The following ALG6 variants were observed in gnomAD, a reference collection of about 807,000 sequenced individuals.
The protein encoded by ALG6 is ALG6 alpha-1,3-glucosyltransferase, also known as dolichyl pyrophosphate Man9GlcNAc2 alpha-1,3-glucosyltransferase.
Under a neutral mutation model 66.6 loss-of-function variants are expected in ALG6, and 46 were observed. The observed-to-expected ratio is 0.69, with a 90% CI of 0.55 to 0.88. The LOEUF is 0.88. Among genes scored for constraint, ALG6 ranks in the 40% least tolerant of loss-of-function variants. The probability of loss-of-function intolerance (pLI) is 0.00; values close to 1 mark genes in which losing one functional copy is unlikely to be tolerated. For synonymous variants in ALG6, 185 were observed against 203.7 expected, an observed-to-expected ratio of 0.91 and a Z score of 0.78; for missense variants, 505 against 586.8, an observed-to-expected ratio of 0.86 and a Z score of 1.44.
Position 63,375,410 on chromosome 1 carries a change from ATTTTTTTTTTTT to A in ALG6, c.82+4367_82+4378del, listed in dbSNP as rs766565038. Among the ~76,000 whole-genome samples, 728 of 77,082 alleles carry A rather than the reference ATTTTTTTTTTTT, an allele frequency of 9.4e-3. 6 individuals are homozygous for A. Among genetic ancestry groups the A allele is most frequent in the African/African-American group, 0.033 (657 of 19,888 alleles). The allele number at this position is 77,082 out of a possible 152,430, so 50.6% of individuals were successfully genotyped here. ...ACAGGCATGTGCCACCACCCCCGGC[ATTTTTTTTTTTT>A]TTTTTTTTTTTTTTTCCAGTAGAGA... On this transcript the variant is annotated intron_variant, in intron 2 of 14. Coordinates refer to ENST00000263440, the MANE Select transcript of ALG6 (RefSeq NM_013339.4).
At chr1:63,400,360 T>C (rs71643676) in intron 3 of ALG6, among the ~76,000 whole-genome samples, 1,595 of 115,536 alleles carry the variant, frequency 0.014, 113 homozygotes, top group Non-Finnish European at 0.02. Flanking sequence ...TATATATATA[T>C]GTATATATAT....
At chr1:63,400,222 C>CATATATATAT (rs1557587305) in intron 3 of ALG6, among the ~76,000 whole-genome samples, 1 of 12,260 alleles carries the variant, frequency 8.2e-5, no homozygotes, top group South Asian at 3.5e-3. Flanking sequence ...TATATATATA[C>CATATATATAT]GTATATATAT....
intron 4 of ALG6, 45 bp downstream of exon 4, chr1:63,402,388 G>A: frequency 7.7e-7 from 1 of 1,306,212 alleles, no homozygotes; most frequent in Non-Finnish European, 1.1e-6. Flanking sequence ...TTATGCCCTT[G>A]GCAGATTTAG....
At chr1:63,400,286 T>A (rs1449390043) in intron 3 of ALG6, among the ~76,000 whole-genome samples, 2 of 20,626 alleles carry the variant, frequency 9.7e-5, no homozygotes, top group Admixed American at 7.4e-4. Flanking sequence ...TATATACGTA[T>A]ATATATATAC....
rs1345130104 is a variant in ALG6, at chr1:63,437,929, TTATAG to T, written c.*913_*917del. The T allele has an allele frequency of 1.3e-5, 2 of 152,246 alleles. No homozygotes were observed. The highest frequency in any genetic ancestry group is 6.5e-5 in the Admixed American group (1 of 15,276). The allele number at this position is 152,246 out of a possible 1,614,324, so 9.4% of individuals were successfully genotyped here. A position where few individuals can be genotyped will look rare whatever the true frequency, so the allele number is the denominator to read the frequency against. On this transcript the variant is annotated 3_prime_UTR_variant, in exon 15 of 15. Coordinates refer to ENST00000263440, the MANE Select transcript of ALG6 (RefSeq NM_013339.4). ...CTGTATTAGCAGAAGCCAATATTTA[TTATAG>T]TATTCAACTGGTAAAAATAATACAT...
intron 2 of ALG6, among the ~76,000 whole-genome samples, chr1:63,391,787 C>G (rs1178245058): frequency 6.6e-6 from 1 of 152,094 alleles, no homozygotes; most frequent in Admixed American, 6.6e-5. Context: ...ATCCCTTACG[C>G]TTTTAGAGAT....
chr1:63,394,532 G>A (rs1189194879), intron 2 of ALG6, among the ~76,000 whole-genome samples: 1 of 152,054 alleles, frequency 6.6e-6, no homozygotes, highest in Non-Finnish European at 1.5e-5. Context: ...CACCACCCTG[G>A]CTAATTTTTT....
intron 3 of ALG6, among the ~76,000 whole-genome samples, chr1:63,400,223 GTATA>G (rs1192053870): frequency 1.6e-4 from 1 of 6,138 alleles, no homozygotes; most frequent in Non-Finnish European, 2.2e-4. Context: ...ATATATATAC[GTATA>G]TATATATATA....
intron 11 of ALG6, among the ~76,000 whole-genome samples, chr1:63,417,902 G>A (rs1339609666): frequency 6.6e-6 from 1 of 152,224 alleles, no homozygotes; most frequent in Non-Finnish European, 1.5e-5. Context: ...TTGGGAGGCC[G>A]AGGCAGGTGG....
intron 6 of ALG6, 29 bp downstream of exon 6, chr1:63,406,428 T>A: frequency 6.4e-7 from 1 of 1,570,080 alleles, no homozygotes; most frequent in Non-Finnish European, 8.8e-7. Context: ...TGACAGTTCG[T>A]CTCTGAAATG....
chr1:63,435,166 C>T (rs1644671388), intron 14 of ALG6, among the ~76,000 whole-genome samples: 2 of 152,116 alleles, frequency 1.3e-5, no homozygotes, highest in Non-Finnish European at 2.9e-5. Flanking sequence ...TGTTTATAGG[C>T]AACTGTTTTG....
chr1:63,437,150 A>G lies in ALG6; in HGVS notation c.*130A>G. The G allele has an allele frequency of 1.2e-6, 1 of 840,716 alleles. No individual in the cohort carries two copies. Among genetic ancestry groups the G allele is most frequent in the Admixed American group, 2.3e-5 (1 of 43,372 alleles). 52.1% of individuals were successfully genotyped at this position (840,716 alleles called of 1,614,324 possible). ...GAACCATGGAACCACAGGAAAGGAA[A>G]TGGTGAAAAGTCATTGTTGTCTACA... On this transcript the variant is annotated 3_prime_UTR_variant, in exon 15 of 15. Coordinates refer to ENST00000263440, the MANE Select transcript of ALG6 (RefSeq NM_013339.4).
At chr1:63,393,535 G>A (rs577824060) in intron 2 of ALG6, among the ~76,000 whole-genome samples, 1 of 152,172 alleles carries the variant, frequency 6.6e-6, no homozygotes, top group Non-Finnish European at 1.5e-5. Context: ...AATTTATGAA[G>A]GAAGGCTTCA....
intron 2 of ALG6, among the ~76,000 whole-genome samples, chr1:63,386,129 A>G (rs982235386): frequency 6.6e-5 from 10 of 152,132 alleles, no homozygotes; most frequent in African/African-American, 2.2e-4. Context: ...ATTGATTTGC[A>G]TATGTTGAGC....
intron 4 of ALG6, 140 bp downstream of exon 4, chr1:63,402,483 T>G: frequency 1.8e-6 from 1 of 566,502 alleles, no homozygotes; most frequent in Non-Finnish European, 3.1e-6. Context: ...TTTTTTTTTT[T>G]TGAGATGAAG....
intron 3 of ALG6, among the ~76,000 whole-genome samples, chr1:63,400,641 A>C (rs1338053935): frequency 6.6e-6 from 1 of 151,814 alleles, no homozygotes; most frequent in Non-Finnish European, 1.5e-5. Context: ...GTGGATCTCA[A>C]GGTTAAACTA....
intron 7 of ALG6, 99 bp downstream of exon 7, chr1:63,407,225 G>A: frequency 1.2e-6 from 1 of 853,396 alleles, no homozygotes. Context: ...ATTTGATAGA[G>A]TGCTTGCTTA....
At chr1:63,380,679 G>A (rs1381161561) in intron 2 of ALG6, among the ~76,000 whole-genome samples, 1 of 152,042 alleles carries the variant, frequency 6.6e-6, no homozygotes, top group East Asian at 1.9e-4. Flanking sequence ...CAGTATTGCT[G>A]GTATATATAA....
intron 12 of ALG6, among the ~76,000 whole-genome samples, chr1:63,422,316 T>TAGGA (rs1557595157): frequency 6.2e-5 from 7 of 112,462 alleles, no homozygotes; most frequent in Admixed American, 3.4e-4. Flanking sequence ...TATATATCTA[T>TAGGA]ATATGAATAT....
Sources: allele counts gnomAD v4.1 joint callset (sites outside exome capture counted in the v4.1 genomes callset), GRCh38; gene constraint gnomAD v4.1.1; transcripts MANE v1.5; gene names NCBI Gene and HGNC (gene_info 2026-07-23, HGNC 2026-07-21).